The following FOLH1 variants were observed in gnomAD, a reference collection of about 807,000 sequenced individuals.
FOLH1 encodes folate hydrolase 1.
A neutral mutation model predicts 93.9 loss-of-function variants in FOLH1; 54 were observed. The observed-to-expected ratio is 0.57, with a 90% CI of 0.46 to 0.72. The LOEUF (loss-of-function observed/expected upper bound fraction) is 0.72, where lower values mean the gene tolerates loss of function less well. Ranked by LOEUF, FOLH1 falls within the 30% of genes least tolerant of loss-of-function variation. The pLI, the probability that FOLH1 is intolerant of heterozygous loss-of-function variation, is 0.00. For missense variants in FOLH1, 571 were observed against 892.5 expected, an observed-to-expected ratio of 0.64 and a Z score of 4.59; for synonymous variants, 249 against 303.6, an observed-to-expected ratio of 0.82 and a Z score of 1.87.
chr11:49,208,007 G>C (rs1864168028), intron 1 of FOLH1: 1 of 655,438 alleles, frequency 1.5e-6, no homozygotes, highest in Admixed American at 2.2e-5. Flanking sequence ...GTCTTGCAGG[G>C]CTCCAGCACT....
chr11:49,201,492 A>G (rs2135320300), intron 2 of FOLH1, among the ~76,000 whole-genome samples: 1 of 151,618 alleles, frequency 6.6e-6, no homozygotes, highest in East Asian at 1.9e-4. Context: ...TAAAATTGGA[A>G]TTTCCTGTAA....
chr11:49,172,285 T>C (rs1859428487), intron 10 of FOLH1, among the ~76,000 whole-genome samples: 1 of 152,174 alleles, frequency 6.6e-6, no homozygotes, highest in Admixed American at 6.5e-5. Context: ...CACTACCTAC[T>C]TCATGAATTA....
In FOLH1 at chr11:49,145,126, C is replaced by T. The variant is rs1855729943; in HGVS notation, c.*1630G>A. ...AGAAATAAATACATTTTATTATTCA[C>T]CAGTTATCCAAATTTGGGTTATCCA... On this transcript the variant is annotated 3_prime_UTR_variant, in exon 19 of 19. Transcript: ENST00000256999. Among the ~76,000 whole-genome samples, 3 of 152,110 alleles carry T rather than the reference C, an allele frequency of 2.0e-5. No homozygotes were observed.
intron 10 of FOLH1, among the ~76,000 whole-genome samples, chr11:49,172,309 C>T (rs1282070953): frequency 1.3e-5 from 2 of 152,032 alleles, no homozygotes; most frequent in Non-Finnish European, 2.9e-5. Flanking sequence ...AAATTTAGGT[C>T]TCCATTGTTT....
At chr11:49,152,918 C>A (rs1037967929) in intron 17 of FOLH1, among the ~76,000 whole-genome samples, 18 of 152,038 alleles carry the variant, frequency 1.2e-4, no homozygotes, top group African/African-American at 3.9e-4. Flanking sequence ...ACTTTTATAG[C>A]AGTTATAGCA....
chr11:49,156,730 T>C lies in FOLH1; in HGVS notation c.1610A>G (p.Tyr537Cys). Residue 537 changes from tyrosine (Y) to cysteine (C), a missense_variant, in exon 15 of 19, where the codon TAT becomes TGT. Tyr to Cys is a radical substitution (Grantham distance 194, BLOSUM62 -2). Transcript: ENST00000256999. ...AGATTCACTTACCCAATTTTTAGTA[T>C]ACCGTGCTCTGCCTGAAGCAATTCC... The part of the protein sequence containing the change: ...RLGIASGRAR[Y>C]TKNWETNKFS... 6.2e-7 allele frequency: 1 copy of C among 1,612,820 alleles called. No homozygotes were observed. Among genetic ancestry groups the C allele is most frequent in the Non-Finnish European group, 8.5e-7 (1 of 1,179,102 alleles).
intron 15 of FOLH1, among the ~76,000 whole-genome samples, chr11:49,154,694 T>C (rs1384521089): frequency 2.0e-5 from 3 of 152,012 alleles, no homozygotes; most frequent in Admixed American, 2.0e-4. Context: ...AATATGTGTA[T>C]ATGATATAAC....
intron 13 of FOLH1, among the ~76,000 whole-genome samples, chr11:49,158,802 T>C (rs372170350): frequency 1.1e-4 from 16 of 152,334 alleles, no homozygotes; most frequent in African/African-American, 3.8e-4. Flanking sequence ...TCATCTCTGA[T>C]TTCTTAGAGC....
At chr11:49,206,444 T>C in intron 1 of FOLH1, 2 of 645,024 alleles carry the variant, frequency 3.1e-6, no homozygotes, top group Non-Finnish European at 5.3e-6. Flanking sequence ...TTTTATGAGA[T>C]AATCAGGACG....
Position 49,208,304 on chromosome 11 carries a change from C to T in FOLH1, c.106G>A (p.Gly36Ser). 1 of 1,566,622 alleles carries T rather than the reference C, an allele frequency of 6.4e-7. No individual in the cohort carries two copies. The highest frequency in any genetic ancestry group is 8.7e-7 in the Non-Finnish European group (1 of 1,153,522). ...GGCGCCCCCCTACCGAAGAGGAAGC[C>T]GAGGAGAAAGAAGCCACCCGCCAGC... is the stretch of plus-strand genomic sequence containing the variant. Reference protein sequence around the residue: ...LVLAGGFFLLGFLFGWFIKSS... With the variant: ...LVLAGGFFLLSFLFGWFIKSS... The change falls in exon 1 of 19, where the codon GGC becomes AGC. Residue 36 changes from glycine (G) to serine (S), a missense_variant. Gly to Ser is a moderately conservative substitution (Grantham distance 56). Coordinates refer to ENST00000256999, the MANE Select transcript of FOLH1 (RefSeq NM_004476.3).
In FOLH1 at chr11:49,146,669, A is replaced by G; in HGVS notation, c.*87T>C. The G allele has an allele frequency of 8.0e-7, 1 of 1,257,542 alleles. No homozygotes were observed. 77.9% of individuals were successfully genotyped at this position (1,257,542 alleles called of 1,614,324 possible). A position where few individuals can be genotyped will look rare whatever the true frequency, so the allele number is the denominator to read the frequency against. ...TATTCAACTTTATTTCAAATATACC[A>G]ATTTTAAAATTTATCAATATACCCA... On this transcript the variant is annotated 3_prime_UTR_variant, in exon 19 of 19. Transcript: ENST00000256999.
At chr11:49,208,206 T>G in intron 1 of FOLH1, 86 bp downstream of exon 1, 1 of 986,034 alleles carries the variant, frequency 1.0e-6, no homozygotes, top group South Asian at 1.7e-5. Context: ...AGCAACAGGA[T>G]CCCACTCGGC....
intron 8 of FOLH1, 56 bp downstream of exon 8, chr11:49,175,803 A>AT (rs1203250102): frequency 6.7e-6 from 10 of 1,500,822 alleles, no homozygotes; most frequent in Admixed American, 2.0e-5. Flanking sequence ...CCTCTATAGT[A>AT]TTTTTTTCTT....
At chr11:49,155,835 T>TATATATATATA (rs1193032047) in intron 15 of FOLH1, among the ~76,000 whole-genome samples, 2 of 121,834 alleles carry the variant, frequency 1.6e-5, no homozygotes, top group Non-Finnish European at 1.7e-5. Flanking sequence ...TATATATATA[T>TATATATATATA]AATCAACAAC....
chr11:49,195,866 A>G (rs1445720986), intron 3 of FOLH1, among the ~76,000 whole-genome samples: 1 of 152,176 alleles, frequency 6.6e-6, no homozygotes, highest in African/African-American at 2.4e-5. Context: ...TACATTTTTT[A>G]AAAAATCGGC....
intron 4 of FOLH1, among the ~76,000 whole-genome samples, chr11:49,187,708 G>A (rs1342406064): frequency 1.3e-5 from 2 of 152,008 alleles, no homozygotes; most frequent in African/African-American, 2.4e-5. Flanking sequence ...CCAGATTCAC[G>A]GTCAATGAAG....
At chr11:49,179,853 A>G (rs1418598717) in intron 7 of FOLH1, among the ~76,000 whole-genome samples, 1 of 152,254 alleles carries the variant, frequency 6.6e-6, no homozygotes, top group Non-Finnish European at 1.5e-5. Context: ...CAAGTTTAAA[A>G]AGTAATTACT....
chr11:49,165,123 G>T (rs186214520), intron 12 of FOLH1, among the ~76,000 whole-genome samples: 3 of 152,280 alleles, frequency 2.0e-5, no homozygotes, highest in East Asian at 1.9e-4. Context: ...TTTTCTGAGA[G>T]ATTTCCCCTG....
intron 3 of FOLH1, among the ~76,000 whole-genome samples, chr11:49,195,485 G>A (rs549237184): frequency 1.3e-5 from 2 of 151,990 alleles, no homozygotes; most frequent in Non-Finnish European, 2.9e-5. Context: ...ATGTCAATAA[G>A]TTAAGCATTC....
Sources: allele counts gnomAD v4.1 joint callset (sites outside exome capture counted in the v4.1 genomes callset), GRCh38; gene constraint gnomAD v4.1.1; transcripts MANE v1.5; gene names NCBI Gene and HGNC (gene_info 2026-07-23, HGNC 2026-07-21).